The following PAMR1 variants were observed in gnomAD, a reference collection of about 807,000 sequenced individuals.
PAMR1 encodes the protein inactive serine protease PAMR1.
PAMR1 carries 88 observed loss-of-function variants against 81.8 expected under a neutral mutation model. That is an observed-to-expected ratio of 1.08 (90% CI 0.91 to 1.28). The LOEUF is 1.28. Among genes scored for constraint, PAMR1 ranks in the 50% most tolerant of loss-of-function variants. PAMR1 has a pLI of 0.00. For synonymous variants in PAMR1, 336 were observed against 345.3 expected (o/e 0.97, Z 0.30); for missense variants, 935 against 919.7 (o/e 1.02, Z -0.21).
chr11:35,449,822 G>A (rs1455797206), intron 6 of PAMR1, among the ~76,000 whole-genome samples: 2 of 152,104 alleles, frequency 1.3e-5, no homozygotes, highest in African/African-American at 2.4e-5. Context: ...ATCACTAACT[G>A]CCTCCTTTGG....
At chr11:35,500,642 A>G (rs985584572) in intron 1 of PAMR1, among the ~76,000 whole-genome samples, 1 of 152,236 alleles carries the variant, frequency 6.6e-6, no homozygotes, top group African/African-American at 2.4e-5. Context: ...AAAGAAATCC[A>G]TCTACAGCTA....
chr11:35,507,797 C>CTTTTTTTTTTT (rs71044525), intron 1 of PAMR1, among the ~76,000 whole-genome samples: 1 of 141,928 alleles, frequency 7.0e-6, no homozygotes, highest in Non-Finnish European at 1.5e-5. Context: ...CTATTGAAAT[C>CTTTTTTTTTTT]TTTTTTTTTT....
intron 7 of PAMR1, among the ~76,000 whole-genome samples, chr11:35,440,653 G>C (rs1442013195): frequency 6.6e-6 from 1 of 152,178 alleles, no homozygotes; most frequent in Non-Finnish European, 1.5e-5. Flanking sequence ...AATCAATTCA[G>C]TGAGAAACTA....
intron 3 of PAMR1, among the ~76,000 whole-genome samples, chr11:35,491,008 G>A (rs1850614697): frequency 6.6e-6 from 1 of 152,196 alleles, no homozygotes; most frequent in African/African-American, 2.4e-5. Flanking sequence ...GTTAAATCTT[G>A]CAGCTAACCT....
intron 9 of PAMR1, 88 bp downstream of exon 9, chr11:35,435,815 G>T: frequency 1.1e-6 from 1 of 939,100 alleles, no homozygotes; most frequent in South Asian, 1.4e-5. Flanking sequence ...CACTGGAGAT[G>T]CTCTCCCAAA....
intron 3 of PAMR1, among the ~76,000 whole-genome samples, chr11:35,482,255 G>A (rs1368610847): frequency 2.6e-5 from 4 of 152,106 alleles, no homozygotes; most frequent in Non-Finnish European, 1.5e-5. Flanking sequence ...TCTGCATATG[G>A]CTAGCCAGTT....
In PAMR1 at chr11:35,505,027, C is replaced by G. The variant is rs76950061; in HGVS notation, c.74-10755G>C. ...CCTCTTAATACTATTTTTGCTGTAC[C>G]CCATAGATTTTGGTATGTTGTATTT... On this transcript the variant is annotated intron_variant, in intron 1 of 10. Transcript: ENST00000619888. Among the ~76,000 whole-genome samples the G allele has an allele frequency of 5.8e-4, 88 of 151,776 alleles. 1 individual carries two copies. The East Asian group carries it at 0.015, about 26-fold the overall frequency.
At chr11:35,484,118 T>A (rs187268468) in intron 3 of PAMR1, among the ~76,000 whole-genome samples, 134 of 152,320 alleles carry the variant, frequency 8.8e-4, no homozygotes, top group Non-Finnish European at 1.6e-3. Flanking sequence ...CCAGACTCTA[T>A]CCACCATTTA....
chr11:35,461,609 T>C (rs1175519902), intron 6 of PAMR1, among the ~76,000 whole-genome samples: 1 of 118,682 alleles, frequency 8.4e-6, no homozygotes, highest in African/African-American at 2.6e-5. Context: ...TTCCCCAAAA[T>C]TAAAAAAAAA....
At chr11:35,505,094 A>G (rs965283011) in intron 1 of PAMR1, among the ~76,000 whole-genome samples, 3 of 151,980 alleles carry the variant, frequency 2.0e-5, no homozygotes, top group African/African-American at 7.2e-5. Context: ...TTTCTTTCTT[A>G]ATTTCTTTAT....
At chr11:35,505,083 ATTTC>A (rs1185896652) in intron 1 of PAMR1, among the ~76,000 whole-genome samples, 5 of 151,926 alleles carry the variant, frequency 3.3e-5, no homozygotes, top group Non-Finnish European at 7.4e-5. Context: ...AAATTTTTAA[ATTTC>A]TTTCTTAATT....
upstream of PAMR1, among the ~76,000 whole-genome samples, chr11:35,529,607 T>C (rs112595418): frequency 2.4e-3 from 369 of 152,322 alleles, 3 homozygotes; most frequent in African/African-American, 8.6e-3. Context: ...ATAGTACCTG[T>C]TGCCATTAGG....
upstream of PAMR1, chr11:35,526,044 G>A: frequency 5.7e-6 from 1 of 173,948 alleles, no homozygotes; most frequent in East Asian, 1.6e-4. Context: ...CTGACTGCAC[G>A]CGGGGAGCCT....
At chr11:35,437,959 G>A (rs1221838052) in intron 8 of PAMR1, among the ~76,000 whole-genome samples, 2 of 152,224 alleles carry the variant, frequency 1.3e-5, no homozygotes, top group African/African-American at 4.8e-5. Flanking sequence ...GAGGAGGGGT[G>A]AAAGACTGAT....
At chr11:35,440,932 C>T (rs1284207382) in intron 7 of PAMR1, among the ~76,000 whole-genome samples, 1 of 152,180 alleles carries the variant, frequency 6.6e-6, no homozygotes, top group Admixed American at 6.5e-5. Context: ...GTCCCTATTT[C>T]AGGAATGCTG....
intron 3 of PAMR1, among the ~76,000 whole-genome samples, chr11:35,490,739 T>A (rs1210584367): frequency 6.6e-6 from 1 of 152,202 alleles, no homozygotes; most frequent in Non-Finnish European, 1.5e-5. Context: ...TAATTGAGCT[T>A]TTACTATTGT....
chr11:35,504,542 C>T (rs773667651), intron 1 of PAMR1, among the ~76,000 whole-genome samples: 3 of 152,016 alleles, frequency 2.0e-5, no homozygotes, highest in Non-Finnish European at 4.4e-5. Flanking sequence ...CTTTTTATTA[C>T]AGCTTCAACC....
rs1156658263 is a variant in PAMR1, at chr11:35,432,720, C to T, written c.1799G>A (p.Gly600Asp). The change falls in exon 11 of 11, where the codon GGC (glycine) becomes GAC (aspartate). Residue 600 changes from glycine to aspartate, a missense_variant. Gly to Asp is a moderately conservative substitution (Grantham distance 94). Transcript: ENST00000619888. ...CCTCACGTCTGCCAGGACATTCCAG[C>T]CAGCCACAGTGATGTGGGACTCCTG... Reference protein sequence around the residue: ...SFQESHITVAGWNVLADVRSP... With the variant: ...SFQESHITVADWNVLADVRSP... 1.9e-6 allele frequency: 3 copies of T among 1,613,932 alleles called. No individual in the cohort carries two copies. Among genetic ancestry groups the T allele is most frequent in the Non-Finnish European group, 2.5e-6 (3 of 1,179,862 alleles).
intron 1 of PAMR1, among the ~76,000 whole-genome samples, chr11:35,497,583 C>G (rs899241818): frequency 6.6e-6 from 1 of 152,136 alleles, no homozygotes; most frequent in Non-Finnish European, 1.5e-5. Flanking sequence ...CTTCTCTATC[C>G]TTCCACTCCT....
Sources: allele counts gnomAD v4.1 joint callset (sites outside exome capture counted in the v4.1 genomes callset), GRCh38; gene constraint gnomAD v4.1.1; transcripts MANE v1.5; gene names NCBI Gene and HGNC (gene_info 2026-07-23, HGNC 2026-07-21).